Variants in DPP10 observed in about 807,000 individuals in gnomAD.
DPP10 encodes inactive dipeptidyl peptidase 10.
A neutral mutation model predicts 120.9 loss-of-function variants in DPP10; 33 were observed. The ratio of observed to expected loss-of-function variants is 0.27; its 90% CI spans 0.21 to 0.37. The LOEUF (loss-of-function observed/expected upper bound fraction) is 0.37. Ranked by LOEUF, DPP10 falls within the 10% of genes least tolerant of loss-of-function variation. DPP10 has a pLI of 1.00. For missense variants in DPP10, 816 were observed against 942.8 expected, an observed-to-expected ratio of 0.87 and a Z score of 1.76; for synonymous variants, 337 against 326.1, an observed-to-expected ratio of 1.03 and a Z score of -0.36.
chr2:115,520,640 G>A (rs1400128495), intron 4 of DPP10, among the ~76,000 whole-genome samples: 1 of 151,976 alleles, frequency 6.6e-6, no homozygotes, highest in Non-Finnish European at 1.5e-5. Context: ...CAATGTTAAG[G>A]CAACCAAGTC....
intron 5 of DPP10, among the ~76,000 whole-genome samples, chr2:115,636,758 A>G (rs1383156031): frequency 6.6e-6 from 1 of 152,208 alleles, no homozygotes; most frequent in Non-Finnish European, 1.5e-5. Flanking sequence ...AAAAGTAAAA[A>G]AAAAAATTAC....
At chr2:115,061,140 T>A (rs914991485) in intron 1 of DPP10, among the ~76,000 whole-genome samples, 4 of 152,168 alleles carry the variant, frequency 2.6e-5, no homozygotes, top group South Asian at 2.1e-4. Flanking sequence ...TAAACAATAT[T>A]GAGAAATGTC....
At chr2:115,160,847 G>T (rs979759508) in intron 1 of DPP10, among the ~76,000 whole-genome samples, 1 of 152,098 alleles carries the variant, frequency 6.6e-6, no homozygotes, top group South Asian at 2.1e-4. Flanking sequence ...CTGCAGCCAG[G>T]GGATTTGGTA....
intron 1 of DPP10, among the ~76,000 whole-genome samples, chr2:115,059,057 T>C (rs1706178958): frequency 6.6e-6 from 1 of 151,988 alleles, no homozygotes; most frequent in Non-Finnish European, 1.5e-5. Context: ...GGTAATCCTA[T>C]ACAGTCAGTC....
intron 1 of DPP10, among the ~76,000 whole-genome samples, chr2:114,601,988 G>A (rs1179625686): frequency 6.6e-6 from 1 of 151,758 alleles, no homozygotes; most frequent in African/African-American, 2.4e-5. Flanking sequence ...AAAATCAATA[G>A]CAATAATACA....
intron 1 of DPP10, among the ~76,000 whole-genome samples, chr2:114,739,478 G>T (rs1677804320): frequency 6.6e-6 from 1 of 152,066 alleles, no homozygotes; most frequent in African/African-American, 2.4e-5. Flanking sequence ...TCCCAACATA[G>T]CAAAACCCCA....
At chr2:114,696,009 C>CT (rs1700046999) in intron 1 of DPP10, among the ~76,000 whole-genome samples, 1 of 151,946 alleles carries the variant, frequency 6.6e-6, no homozygotes, top group Non-Finnish European at 1.5e-5. Context: ...TATACATGAA[C>CT]TTTATCAGTT....
chr2:115,702,290 G>A (rs2091923636), intron 7 of DPP10, among the ~76,000 whole-genome samples: 2 of 151,914 alleles, frequency 1.3e-5, no homozygotes, highest in African/African-American at 4.8e-5. Flanking sequence ...AAACAGTCTG[G>A]TATCTCCTCA....
At chr2:114,706,285 A>C (rs1302014241) in intron 1 of DPP10, among the ~76,000 whole-genome samples, 1 of 152,234 alleles carries the variant, frequency 6.6e-6, no homozygotes, top group East Asian at 1.9e-4. Flanking sequence ...AAGAGAGACA[A>C]TAAGATCTTG....
intron 1 of DPP10, among the ~76,000 whole-genome samples, chr2:114,984,274 A>G (rs968264298): frequency 6.6e-6 from 1 of 152,148 alleles, no homozygotes; most frequent in Non-Finnish European, 1.5e-5. Flanking sequence ...CATCAAATGC[A>G]CCAATGCATT....
intron 5 of DPP10, among the ~76,000 whole-genome samples, chr2:115,650,505 C>G (rs1049668132): frequency 4.0e-5 from 6 of 151,884 alleles, no homozygotes; most frequent in African/African-American, 1.5e-4. Context: ...TATTATGACT[C>G]TAGTTTCTTC....
chr2:115,840,802 T>C lies in DPP10; in HGVS notation c.2235T>C (p.Ala745=), dbSNP rs1421562975. 2 of 1,613,760 alleles carry C rather than the reference T, an allele frequency of 1.2e-6. No individual in the cohort carries two copies. Among genetic ancestry groups the C allele is most frequent in the Admixed American group, 3.3e-5 (2 of 59,976 alleles). ...AATTAATCAAGCACCTAATAAAAGC[T>C]GGAGTGAATTATACTATGCAGGTAA... is the stretch of plus-strand genomic sequence containing the variant. ...SAELIKHLIK[A]GVNYTMQVYP... Residue 745 remains alanine (A), a synonymous_variant, in exon 25 of 26, where the codon GCT becomes GCC. Coordinates refer to ENST00000410059, the MANE Select transcript of DPP10 (RefSeq NM_020868.6).
At chr2:115,555,692 T>A (rs1220834940) in intron 5 of DPP10, among the ~76,000 whole-genome samples, 2 of 152,130 alleles carry the variant, frequency 1.3e-5, no homozygotes, top group Non-Finnish European at 1.5e-5. Context: ...CAAAGTGGTA[T>A]ATTTTGGTGT....
intron 8 of DPP10, among the ~76,000 whole-genome samples, chr2:115,728,164 G>A (rs1324402518): frequency 6.6e-6 from 1 of 151,840 alleles, no homozygotes; most frequent in Non-Finnish European, 1.5e-5. Context: ...TGTACATATA[G>A]GCTAGATAGA....
At chr2:115,047,973 T>C (rs955594256) in intron 1 of DPP10, among the ~76,000 whole-genome samples, 22 of 152,262 alleles carry the variant, frequency 1.4e-4, no homozygotes, top group African/African-American at 5.3e-4. Flanking sequence ...ATTGTAATAG[T>C]TTCTGTGTTC....
At chr2:115,358,855 AG>A (rs1380544796) in intron 3 of DPP10, among the ~76,000 whole-genome samples, 1 of 152,156 alleles carries the variant, frequency 6.6e-6, no homozygotes, top group Non-Finnish European at 1.5e-5. Flanking sequence ...GCTAAGCAAA[AG>A]AAGAAAAGCC....
At chr2:114,625,547 G>A (rs1165042223) in intron 1 of DPP10, among the ~76,000 whole-genome samples, 1 of 151,846 alleles carries the variant, frequency 6.6e-6, no homozygotes, top group Non-Finnish European at 1.5e-5. Context: ...TCCCTTATCA[G>A]CTACTTGGTT....
chr2:115,652,224 C>G (rs1259580345), intron 5 of DPP10, among the ~76,000 whole-genome samples: 2 of 151,866 alleles, frequency 1.3e-5, no homozygotes, highest in Non-Finnish European at 2.9e-5. Context: ...GGTTTAAGTA[C>G]AATGATTGCA....
chr2:115,444,835 G>A (rs1013084295), intron 3 of DPP10, among the ~76,000 whole-genome samples: 1 of 152,126 alleles, frequency 6.6e-6, no homozygotes, highest in African/African-American at 2.4e-5. Flanking sequence ...GGTTAGTTTT[G>A]CTGGTAGGCC....
Sources: gnomAD v4.1 joint callset for allele counts (sites outside exome capture counted in the v4.1 genomes callset) on GRCh38, gnomAD v4.1.1 for gene constraint, MANE v1.5 for transcripts, NCBI Gene and HGNC (gene_info 2026-07-23, HGNC 2026-07-21) for gene names.